Variants in AIPL1 observed in about 807,000 individuals in gnomAD.
AIPL1 encodes aryl-hydrocarbon-interacting protein-like 1.
A neutral mutation model predicts 32.9 loss-of-function variants in AIPL1; 23 were observed. The ratio of observed to expected loss-of-function variants is 0.70; its 90% CI spans 0.50 to 0.99. The LOEUF is 0.99. AIPL1 is among the 50% of genes least tolerant of loss of function. The pLI is 0.00. For missense variants in AIPL1, 485 were observed against 506.0 expected (o/e 0.96, Z 0.40); for synonymous variants, 210 against 209.4 (o/e 1.00, Z -0.02).
In AIPL1 at chr17:6,428,523, A is replaced by G. The variant is rs1261542612; in HGVS notation, c.277-17T>C. On this transcript the variant is annotated splice_polypyrimidine_tract_variant and intron_variant, in intron 2 of 5. Transcript: ENST00000381129. ...CCCCGTGTGCTGTGGGGATAAACGG[A>G]TGGATGGCATCCAGGCTACCTGCCC... 2 of 1,612,024 alleles carry G rather than the reference A, an allele frequency of 1.2e-6. No homozygotes were observed. Among genetic ancestry groups the G allele is most frequent in the Non-Finnish European group, 1.7e-6 (2 of 1,178,706 alleles).
At chr17:6,425,997 A>T in intron 5 of AIPL1, 167 bp from the exon 6 acceptor site, 10 of 1,065,704 alleles carry the variant, frequency 9.4e-6, no homozygotes, top group Non-Finnish European at 1.3e-5. Flanking sequence ...GGAGATGATG[A>T]TCATAATAGC....
chr17:6,428,059 A>T (rs1912170166), intron 3 of AIPL1, among the ~76,000 whole-genome samples: 1 of 148,454 alleles, frequency 6.7e-6, no homozygotes, highest in African/African-American at 2.5e-5. Flanking sequence ...ACCTCAGGTG[A>T]TCCAACCCCC....
At position 6,433,982 on chromosome 17, in the gene AIPL1, G is replaced by C; in HGVS notation, c.213C>G (p.Val71=). The change falls in exon 2 of 6, where the codon GTC becomes GTG. Residue 71 remains valine (V), a synonymous_variant. Coordinates refer to ENST00000381129, the MANE Select transcript of AIPL1 (RefSeq NM_014336.5). ...IIIGNMFKLE[V]WEILLTSMRV... is the part of the protein sequence containing the mutation. ...GCATGGAGGTAAGCAGGATCTCCCA[G>C]ACCTCGAGCTTGAACATGTTTCCGA... The C allele has an allele frequency of 6.2e-7, 1 of 1,613,944 alleles. No individual in the cohort carries two copies. The highest frequency in any genetic ancestry group is 8.5e-7 in the Non-Finnish European group (1 of 1,180,012).
chr17:6,434,193 G>A, intron 1 of AIPL1, 95 bp from the exon 2 acceptor site: 1 of 1,413,544 alleles, frequency 7.1e-7, no homozygotes, highest in South Asian at 1.2e-5. Flanking sequence ...CTGTCCCCAG[G>A]GTCAGCTCAC....
Position 6,434,012 on chromosome 17 carries a change from G to A in AIPL1, c.183C>T (p.Ile61=), listed in dbSNP as rs1188734789. The A allele has an allele frequency of 3.7e-6, 6 of 1,613,580 alleles. No individual in the cohort carries two copies. The highest frequency in any genetic ancestry group is 5.1e-6 in the Non-Finnish European group (6 of 1,179,998). The change falls in exon 2 of 6, where the codon ATC becomes ATT. Residue 61 remains isoleucine, a synonymous_variant. Transcript: ENST00000381129. ...CGAGCTTGAACATGTTTCCGATGAT[G>A]ATGTGCATGGGCTGGCCCACCTGCC... ...DSRQVGQPMH[I]IIGNMFKLEV... is the part of the protein sequence containing the mutation.
intron 3 of AIPL1, 117 bp from the exon 4 acceptor site, chr17:6,427,174 T>C: frequency 1.7e-6 from 2 of 1,151,240 alleles, no homozygotes; most frequent in South Asian, 1.3e-5. Context: ...GCTGGTCAAG[T>C]GCATACAGAC....
Position 6,425,579 on chromosome 17 carries a change from A to G in AIPL1, c.1036T>C (p.Ser346Pro), listed in dbSNP as rs753854367. 6.2e-6 allele frequency: 10 copies of G among 1,612,784 alleles called. No individual in the cohort carries two copies. The South Asian group carries it at 6.6e-5, about 11-fold the overall frequency. Reference protein sequence around the residue: ...AEPPTEPPAQSSTEPPAEPPT... With the variant: ...AEPPTEPPAQPSTEPPAEPPT... ...GGCTCTGCAGGTGGCTCTGTGGATG[A>G]CTGTGCGGGTGGCTCTGTGGGTGGC... is the stretch of plus-strand genomic sequence containing the variant. The change falls in exon 6 of 6, where the codon TCA becomes CCA. Residue 346 changes from serine (S) to proline (P), a missense_variant. Ser to Pro is a moderately conservative substitution (Grantham distance 74). Coordinates refer to ENST00000381129, the MANE Select transcript of AIPL1 (RefSeq NM_014336.5).
intron 2 of AIPL1, among the ~76,000 whole-genome samples, chr17:6,429,555 C>A (rs1912341532): frequency 6.6e-6 from 1 of 152,208 alleles, no homozygotes; most frequent in Non-Finnish European, 1.5e-5. Flanking sequence ...CACCTTTGGC[C>A]CTGACTCAGC....
rs1196546609 is a variant in AIPL1, at chr17:6,425,512, G to T, written c.1103C>A (p.Ala368Glu). The T allele has an allele frequency of 6.2e-7, 1 of 1,610,104 alleles. No individual in the cohort carries two copies. Among genetic ancestry groups the T allele is most frequent in the Admixed American group, 1.7e-5 (1 of 60,002 alleles). Reference sequence around the variant, plus strand: ...CGGGGGTGGCTCTGTGGCTGGCTCTGCAGGGGGCCCTGCGGACAGCTCTGC... The same window carrying T: ...CGGGGGTGGCTCTGTGGCTGGCTCTTCAGGGGGCCCTGCGGACAGCTCTGC... ...PSAELSAGPP[A>E]EPATEPPPSP... The change falls in exon 6 of 6, where the codon GCA becomes GAA. Residue 368 changes from alanine to glutamate, a missense_variant. By Grantham distance (107) the Ala-to-Glu change is moderately radical (BLOSUM62 -1). Coordinates refer to ENST00000381129, the MANE Select transcript of AIPL1 (RefSeq NM_014336.5).
chr17:6,425,934 T>C (rs1911907307), intron 5 of AIPL1, 104 bp from the exon 6 acceptor site: 1 of 1,454,596 alleles, frequency 6.9e-7, no homozygotes, highest in Admixed American at 2.0e-5. Flanking sequence ...AGCCCCGCCA[T>C]GATCCTTAAC....
chr17:6,434,353 G>GCTTTT (rs1555547872), intron 1 of AIPL1, among the ~76,000 whole-genome samples: 1 of 91,404 alleles, frequency 1.1e-5, no homozygotes, highest in African/African-American at 4.1e-5. Context: ...GTAAGCCCGA[G>GCTTTT]TTCTTTTTTT....
chr17:6,431,397 G>A (rs767858121), intron 2 of AIPL1, among the ~76,000 whole-genome samples: 5 of 151,904 alleles, frequency 3.3e-5, no homozygotes, highest in South Asian at 4.2e-4. Context: ...CAGAGGTTCC[G>A]GTGAGCCAAG....
In AIPL1 at chr17:6,435,006, C is replaced by T; in HGVS notation, c.96+3G>A. 6.2e-7 allele frequency: 1 copy of T among 1,614,170 alleles called. No homozygotes were observed. Among genetic ancestry groups the T allele is most frequent in the East Asian group, 2.2e-5 (1 of 44,868 alleles). On this transcript the variant is annotated splice_donor_region_variant and intron_variant, in intron 1 of 5. Transcript: ENST00000381129. ...CTGTCTGCTCCGGAGGGGCCCCACTCACTCGGGATCCGGTGATGAAGTTTG... is the reference window on the plus strand; with the variant it reads ...CTGTCTGCTCCGGAGGGGCCCCACTTACTCGGGATCCGGTGATGAAGTTTG...
intron 2 of AIPL1, among the ~76,000 whole-genome samples, chr17:6,429,036 C>A (rs1467775059): frequency 6.6e-6 from 1 of 152,228 alleles, no homozygotes; most frequent in Admixed American, 6.5e-5. Flanking sequence ...GGTCTCTGCA[C>A]TTCTCTGAAA....
intron 1 of AIPL1, among the ~76,000 whole-genome samples, chr17:6,434,351 G>A (rs935811602): frequency 4.1e-5 from 5 of 121,026 alleles, no homozygotes; most frequent in Admixed American, 9.4e-5. Context: ...AAGTAAGCCC[G>A]AGTTCTTTTT....
At chr17:6,430,456 C>CAAAAA (rs1169701817) in intron 2 of AIPL1, among the ~76,000 whole-genome samples, 5,319 of 44,396 alleles carry the variant, frequency 0.12, 701 homozygotes, top group East Asian at 0.2. Flanking sequence ...AAGTCCGTCT[C>CAAAAA]AAAAAAAAAA....
At chr17:6,431,303 A>AG (rs1191257280) in intron 2 of AIPL1, among the ~76,000 whole-genome samples, 2 of 142,226 alleles carry the variant, frequency 1.4e-5, no homozygotes, top group East Asian at 4.5e-4. Context: ...TGAAAAAAAA[A>AG]AAAAAGCCAG....
rs765513188 is a variant in AIPL1 at position 6,425,445 on chromosome 17, T to C, written c.*15A>G. The C allele has an allele frequency of 2.5e-6, 4 of 1,574,612 alleles. No individual in the cohort carries two copies. The highest frequency in any genetic ancestry group is 3.4e-6 in the Non-Finnish European group (4 of 1,160,642). ...CACTTGCTCCCTGCCTGGGTGGCTG[T>C]GGGCCTCAGGGGGCTCAGTGCTGCA... On this transcript the variant is annotated 3_prime_UTR_variant, in exon 6 of 6. Transcript: ENST00000381129.
At chr17:6,432,198 C>T (rs547659336) in intron 2 of AIPL1, among the ~76,000 whole-genome samples, 2 of 152,202 alleles carry the variant, frequency 1.3e-5, no homozygotes, top group African/African-American at 4.8e-5. Context: ...TTCTGATCAA[C>T]ATGGTGAAAC....
Sources: allele counts gnomAD v4.1 joint callset (sites outside exome capture counted in the v4.1 genomes callset), GRCh38; gene constraint gnomAD v4.1.1; transcripts MANE v1.5; gene names NCBI Gene and HGNC (gene_info 2026-07-23, HGNC 2026-07-21).